SND1: variants seen among roughly 807,000 people sequenced by gnomAD.
The protein encoded by SND1 is staphylococcal nuclease domain-containing protein 1.
In SND1, 38 loss-of-function variants were observed where a neutral mutation model predicts 121.7. The ratio of observed to expected loss-of-function variants is 0.31; its 90% CI spans 0.24 to 0.41. The LOEUF (loss-of-function observed/expected upper bound fraction) is 0.41, where lower values mean the gene tolerates loss of function less well. SND1 is among the 10% of genes least tolerant of loss of function. SND1 has a pLI of 1.00. For missense variants in SND1, 868 were observed against 1,184.6 expected (o/e 0.73, Z 3.92); for synonymous variants, 401 against 447.4 (o/e 0.90, Z 1.31).
In SND1 at chr7:127,884,216, T is replaced by A. The variant is rs148491160; in HGVS notation, c.1344-3686T>A. Among the ~76,000 whole-genome samples, 635 of 152,270 alleles carry A rather than the reference T, an allele frequency of 4.2e-3. 4 individuals carry two copies. The highest frequency in any genetic ancestry group is 6.4e-3 in the Admixed American group (98 of 15,288). ...TTTCTGGTACTACATGTTCCAGGCT[T>A]ATCTTGTACTGTCTTCCCCAGATCT... On this transcript the variant is annotated intron_variant, in intron 12 of 23. Transcript: ENST00000354725.
rs1793676967 is a variant in SND1, at chr7:128,085,706, T to G, written c.2235-5T>G. ...TCTTGAGCTCTGCCCATGATGCCAT[T>G]GCAGGTACCGTGCCCGAGTAGAGAA... On this transcript the variant is annotated splice_polypyrimidine_tract_variant and splice_region_variant and intron_variant, in intron 19 of 23. Coordinates refer to ENST00000354725, the MANE Select transcript of SND1 (RefSeq NM_014390.4). The surrounding 1 kb of genome is among the most constrained non-coding windows in gnomAD (Gnocchi z 4.4). The G allele has an allele frequency of 1.9e-6, 3 of 1,613,876 alleles. No individual in the cohort carries two copies. The highest frequency in any genetic ancestry group is 2.5e-6 in the Non-Finnish European group (3 of 1,179,914).
At chr7:128,047,724 C>T (rs1348721058) in intron 16 of SND1, among the ~76,000 whole-genome samples, 1 of 152,150 alleles carries the variant, frequency 6.6e-6, no homozygotes, top group African/African-American at 2.4e-5. Context: ...TTTTGTGCCC[C>T]GTCATTGACC....
chr7:127,883,124 A>G lies in SND1; in HGVS notation c.1344-4778A>G, dbSNP rs183944343. 4.0e-3 allele frequency among the ~76,000 whole-genome samples: 611 copies of G among 152,304 alleles called. 2 individuals carry two copies. Among genetic ancestry groups the G allele is most frequent in the Non-Finnish European group, 6.6e-3 (449 of 68,008 alleles). Reference sequence around the variant, plus strand: ...CACAGGTGACATGGGTCTCACAGGCAGTCTTGCCCAAAAGATAGACGAGCA... The same window carrying G: ...CACAGGTGACATGGGTCTCACAGGCGGTCTTGCCCAAAAGATAGACGAGCA... On this transcript the variant is annotated intron_variant, in intron 12 of 23. Coordinates refer to ENST00000354725, the MANE Select transcript of SND1 (RefSeq NM_014390.4).
chr7:128,055,588 T>C (rs921980012), intron 16 of SND1, among the ~76,000 whole-genome samples: 1 of 152,148 alleles, frequency 6.6e-6, no homozygotes, highest in African/African-American at 2.4e-5. Context: ...AGAGAATAGA[T>C]GCAACGAGCC....
chr7:128,005,051 A>G (rs1802926941), intron 16 of SND1, among the ~76,000 whole-genome samples: 1 of 152,264 alleles, frequency 6.6e-6, no homozygotes, highest in South Asian at 2.1e-4. Flanking sequence ...AGGTATAGCT[A>G]GAGATTGCCC....
At position 127,652,300 on chromosome 7, in the gene SND1, C is replaced by G. The variant is rs538601858; in HGVS notation, c.-74C>G. ...CCTGCCCCTCGCCTCGACTCCCTTT[C>G]ACCAACACCGACACCCACATTGACA... On this transcript the variant is annotated 5_prime_UTR_variant, in exon 1 of 24. Coordinates refer to ENST00000354725, the MANE Select transcript of SND1 (RefSeq NM_014390.4). The G allele has an allele frequency of 7.7e-7, 1 of 1,304,646 alleles. No homozygotes were observed. The highest frequency in any genetic ancestry group is 2.0e-5 in the Admixed American group (1 of 50,658). The allele number at this position is 1,304,646 out of a possible 1,614,324, so 80.8% of individuals were successfully genotyped here.
chr7:127,960,973 C>T (rs967923933), intron 15 of SND1, among the ~76,000 whole-genome samples: 9 of 152,224 alleles, frequency 5.9e-5, no homozygotes, highest in African/African-American at 2.2e-4. Flanking sequence ...GTCCATTCCT[C>T]TCCACCTGGA....
intron 1 of SND1, among the ~76,000 whole-genome samples, chr7:127,659,853 A>G (rs1795277554): frequency 6.6e-6 from 1 of 152,084 alleles, no homozygotes; most frequent in African/African-American, 2.4e-5. Context: ...CATTGTCTCT[A>G]AGCATTTTCC....
intron 15 of SND1, among the ~76,000 whole-genome samples, chr7:127,961,204 C>T (rs1801723753): frequency 1.3e-5 from 2 of 152,144 alleles, no homozygotes; most frequent in African/African-American, 4.8e-5. Flanking sequence ...ATATACACAC[C>T]TGCTTCACAA....
chr7:127,838,932 C>T (rs146096345), intron 11 of SND1, among the ~76,000 whole-genome samples: 1 of 152,270 alleles, frequency 6.6e-6, no homozygotes, highest in Non-Finnish European at 1.5e-5. Flanking sequence ...TACAATGATT[C>T]AAGCACTGTT....
At chr7:127,996,938 T>C (rs1802674708) in intron 16 of SND1, among the ~76,000 whole-genome samples, 1 of 152,218 alleles carries the variant, frequency 6.6e-6, no homozygotes, top group Middle Eastern at 3.2e-3. Flanking sequence ...AGCAGTTTAT[T>C]CTTAGTTAAG....
chr7:127,671,401 C>T (rs1474862799), intron 1 of SND1, among the ~76,000 whole-genome samples: 1 of 152,220 alleles, frequency 6.6e-6, no homozygotes, highest in Non-Finnish European at 1.5e-5. Context: ...CACTGTGAAT[C>T]TATTGAGTAC....
intron 14 of SND1, among the ~76,000 whole-genome samples, chr7:127,918,124 G>T (rs1032845128): frequency 6.7e-6 from 1 of 149,566 alleles, no homozygotes; most frequent in African/African-American, 2.5e-5. Context: ...GTGCAGTGGC[G>T]CAATCCCAGC....
chr7:128,069,787 G>A (rs1349419089), intron 16 of SND1, among the ~76,000 whole-genome samples: 2 of 152,172 alleles, frequency 1.3e-5, no homozygotes, highest in African/African-American at 2.4e-5. Flanking sequence ...GAGGCACGGA[G>A]AACTTAAGTG....
intron 16 of SND1, chr7:128,042,412 G>A (rs1792871794): frequency 6.6e-6 from 1 of 152,290 alleles, no homozygotes; most frequent in African/African-American, 2.4e-5. Flanking sequence ...CAGCCTCCAT[G>A]AGCCAGTCAG....
chr7:127,671,380 A>G (rs1223177857), intron 1 of SND1, among the ~76,000 whole-genome samples: 2 of 152,236 alleles, frequency 1.3e-5, no homozygotes, highest in African/African-American at 4.8e-5. Context: ...TATGTTCTAT[A>G]AAGTTGCAAA....
At chr7:127,869,559 A>T (rs187956794) in intron 12 of SND1, among the ~76,000 whole-genome samples, 79 of 152,148 alleles carry the variant, frequency 5.2e-4, no homozygotes, top group South Asian at 4.6e-3. Context: ...ACTTTTTTTT[A>T]AAAATAATTG....
At chr7:128,078,224 G>T (rs1019740404) in intron 17 of SND1, among the ~76,000 whole-genome samples, 1 of 152,230 alleles carries the variant, frequency 6.6e-6, no homozygotes, top group Non-Finnish European at 1.5e-5. Context: ...TGGCCAGCCT[G>T]CATGGACCAG....
Position 127,994,575 on chromosome 7 carries a change from AAAAAAAAAAAC to A in SND1, c.1779+3521_1779+3531del, listed in dbSNP as rs1167697533. On this transcript the variant is annotated intron_variant, in intron 16 of 23. Coordinates refer to ENST00000354725, the MANE Select transcript of SND1 (RefSeq NM_014390.4). ...AAAAAAAAAAAAAAAAAAAAAAAAA[AAAAAAAAAAAC>A]AGTAAATTCAGTCTTTCTTTCTAGC... Among the ~76,000 whole-genome samples, 36 of 148,172 alleles carry A rather than the reference AAAAAAAAAAAC, an allele frequency of 2.4e-4. No homozygotes were observed. The East Asian group carries it at 5.2e-3, about 22-fold the overall frequency.
Sources: gnomAD v4.1 joint callset for allele counts (sites outside exome capture counted in the v4.1 genomes callset) on GRCh38, gnomAD v4.1.1 for gene constraint, Gnocchi (gnomAD v3.1) non-coding constraint, MANE v1.5 for transcripts, NCBI Gene and HGNC (gene_info 2026-07-23, HGNC 2026-07-21) for gene names.